ABCA13: variants seen among roughly 807,000 people sequenced by gnomAD.
ABCA13 encodes the protein ATP-binding cassette sub-family A member 13.
Under a neutral mutation model 478.7 loss-of-function variants are expected in ABCA13, and 476 were observed. The observed-to-expected ratio is 0.99, with a 90% CI of 0.92 to 1.07. ABCA13 has a LOEUF of 1.07. Among genes scored for constraint, ABCA13 ranks in the 50% least tolerant of loss-of-function variants. The pLI is 0.00. For synonymous variants in ABCA13, 2,252 were observed against 2,158.9 expected, an observed-to-expected ratio of 1.04 and a Z score of -1.20; for missense variants, 6,060 against 5,910.6, an observed-to-expected ratio of 1.03 and a Z score of -0.83.
At position 48,335,406 on chromosome 7, in the gene ABCA13, A is replaced by G. The variant is rs1327396169; in HGVS notation, c.10000-16A>G. ...AGCTGAATAAGAGACATATCCAAATATGCTTCATTTTGCAGGCTAATTACA... is the reference window on the plus strand; with the variant it reads ...AGCTGAATAAGAGACATATCCAAATGTGCTTCATTTTGCAGGCTAATTACA... On this transcript the variant is annotated splice_polypyrimidine_tract_variant and intron_variant, in intron 27 of 61. Coordinates refer to ENST00000435803, the MANE Select transcript of ABCA13 (RefSeq NM_152701.5). 6.5e-7 allele frequency: 1 copy of G among 1,549,616 alleles called. No homozygotes were observed. The highest frequency in any genetic ancestry group is 1.4e-5 in the African/African-American group (1 of 73,334).
At chr7:48,481,476 A>T (rs1372544553) in intron 46 of ABCA13, among the ~76,000 whole-genome samples, 2 of 152,186 alleles carry the variant, frequency 1.3e-5, no homozygotes, top group Non-Finnish European at 2.9e-5. Context: ...TCACTCTTTT[A>T]AGTGCTGGGG....
At chr7:48,605,483 C>A (rs1791374879) in intron 58 of ABCA13, among the ~76,000 whole-genome samples, 1 of 151,200 alleles carries the variant, frequency 6.6e-6, no homozygotes, top group Admixed American at 6.6e-5. Context: ...TCTGTAAAGG[C>A]TGGATATGAA....
chr7:48,307,106 T>G (rs1401749739), intron 23 of ABCA13, among the ~76,000 whole-genome samples: 2 of 152,250 alleles, frequency 1.3e-5, no homozygotes, highest in Non-Finnish European at 2.9e-5. Flanking sequence ...GCCAATTCCT[T>G]AAAATAAATC....
intron 42 of ABCA13, among the ~76,000 whole-genome samples, chr7:48,436,094 T>G (rs1202530358): frequency 6.6e-6 from 1 of 151,756 alleles, no homozygotes; most frequent in East Asian, 1.9e-4. Context: ...TCTAGGAGGC[T>G]TGTTGCTAAT....
chr7:48,541,796 A>G (rs1436839813), intron 55 of ABCA13, among the ~76,000 whole-genome samples: 2 of 147,238 alleles, frequency 1.4e-5, no homozygotes, highest in Non-Finnish European at 3.1e-5. Flanking sequence ...TATATATTTT[A>G]AAAGGAAAGT....
intron 31 of ABCA13, among the ~76,000 whole-genome samples, chr7:48,366,893 T>G (rs146918076): frequency 4.9e-4 from 74 of 152,296 alleles, no homozygotes; most frequent in African/African-American, 1.7e-3. Flanking sequence ...GATTATTTTA[T>G]GTCCCCTCCC....
intron 36 of ABCA13, 80 bp downstream of exon 36, chr7:48,388,039 C>G (rs1815461078): frequency 6.9e-7 from 1 of 1,458,622 alleles, no homozygotes; most frequent in Non-Finnish European, 9.3e-7. Context: ...TTTTTATGGT[C>G]CAGCCTTTTC....
intron 7 of ABCA13, among the ~76,000 whole-genome samples, chr7:48,231,252 C>T (rs1789036267): frequency 6.6e-6 from 1 of 150,900 alleles, no homozygotes; most frequent in Non-Finnish European, 1.5e-5. Context: ...AAAAAACAAA[C>T]AAACAAACAA....
At chr7:48,210,405 A>G (rs1785481574) in intron 3 of ABCA13, among the ~76,000 whole-genome samples, 1 of 152,178 alleles carries the variant, frequency 6.6e-6, no homozygotes, top group Admixed American at 6.5e-5. Flanking sequence ...GCCAAACCAT[A>G]TCACATAGTT....
chr7:48,322,217 G>A (rs17132228), intron 27 of ABCA13, among the ~76,000 whole-genome samples: 6 of 152,156 alleles, frequency 3.9e-5, no homozygotes, highest in African/African-American at 7.2e-5. Context: ...GCAGCCCTAC[G>A]TTGGGAACCT....
intron 59 of ABCA13, among the ~76,000 whole-genome samples, chr7:48,624,882 CTTTTTT>C (rs1368856273): frequency 6.6e-6 from 1 of 151,926 alleles, no homozygotes; most frequent in Non-Finnish European, 1.5e-5. Flanking sequence ...TTCTTTCTTT[CTTTTTT>C]ATTTTTTATA....
chr7:48,375,101 C>T (rs929475285), intron 34 of ABCA13, among the ~76,000 whole-genome samples: 5 of 152,154 alleles, frequency 3.3e-5, no homozygotes, highest in Non-Finnish European at 7.3e-5. Flanking sequence ...CGTGATTCTA[C>T]ATTATGGTGA....
intron 15 of ABCA13, among the ~76,000 whole-genome samples, chr7:48,256,283 A>T (rs1436560010): frequency 6.6e-6 from 1 of 152,116 alleles, no homozygotes. Context: ...TTTGCTGTGC[A>T]GAAGCTCTTT....
At chr7:48,325,574 A>G (rs74565959) in intron 27 of ABCA13, among the ~76,000 whole-genome samples, 1 of 151,962 alleles carries the variant, frequency 6.6e-6, no homozygotes, top group South Asian at 2.1e-4. Context: ...TGGCATCTGC[A>G]TTTTTTTGCT....
At chr7:48,635,772 G>T (rs919365591) in intron 59 of ABCA13, among the ~76,000 whole-genome samples, 2 of 152,238 alleles carry the variant, frequency 1.3e-5, no homozygotes, top group African/African-American at 4.8e-5. Context: ...GGAGGTAGCA[G>T]AAGAGTAGAT....
chr7:48,399,215 C>G (rs1167377374), intron 38 of ABCA13, among the ~76,000 whole-genome samples: 2 of 152,208 alleles, frequency 1.3e-5, no homozygotes, highest in Non-Finnish European at 2.9e-5. Flanking sequence ...AAATGCTCCT[C>G]TTCCATTCAA....
intron 45 of ABCA13, among the ~76,000 whole-genome samples, chr7:48,473,927 A>G (rs569683199): frequency 1.3e-5 from 2 of 152,194 alleles, no homozygotes; most frequent in Admixed American, 1.3e-4. Flanking sequence ...CTTAGTGAGC[A>G]CTCAGAGTGT....
intron 35 of ABCA13, among the ~76,000 whole-genome samples, chr7:48,385,407 T>C (rs1815031611): frequency 1.3e-5 from 2 of 152,214 alleles, no homozygotes; most frequent in Admixed American, 1.3e-4. Context: ...TATTTGGTTT[T>C]CTGTTCCTTT....
At chr7:48,178,440 C>T (rs1419741075) in intron 1 of ABCA13, among the ~76,000 whole-genome samples, 4 of 151,868 alleles carry the variant, frequency 2.6e-5, no homozygotes, top group East Asian at 1.9e-4. Context: ...TTTGGGAAGC[C>T]GAGGAGGGCG....
Sources: gnomAD v4.1 joint callset for allele counts (sites outside exome capture counted in the v4.1 genomes callset) on GRCh38, gnomAD v4.1.1 for gene constraint, MANE v1.5 for transcripts, NCBI Gene and HGNC (gene_info 2026-07-23, HGNC 2026-07-21) for gene names.